The following CDKAL1 variants were observed in gnomAD, a reference collection of about 807,000 sequenced individuals.
CDKAL1 encodes threonylcarbamoyladenosine tRNA methylthiotransferase.
In CDKAL1, 32 loss-of-function variants were observed where a neutral mutation model predicts 68.2. That is an observed-to-expected ratio of 0.47 (90% CI 0.35 to 0.63). The LOEUF is 0.63. Among genes scored for constraint, CDKAL1 ranks in the 30% least tolerant of loss-of-function variants. The pLI is 0.00. For missense variants in CDKAL1, 606 were observed against 696.7 expected, an observed-to-expected ratio of 0.87 and a Z score of 1.47; for synonymous variants, 234 against 244.3, an observed-to-expected ratio of 0.96 and a Z score of 0.39.
chr6:20,565,064 C>T (rs1435624596), intron 4 of CDKAL1, among the ~76,000 whole-genome samples: 1 of 151,958 alleles, frequency 6.6e-6, no homozygotes, highest in East Asian at 1.9e-4. Flanking sequence ...ATTTATACAG[C>T]CTATTACATC....
At chr6:20,617,462 C>T (rs1387277798) in intron 4 of CDKAL1, among the ~76,000 whole-genome samples, 4 of 152,130 alleles carry the variant, frequency 2.6e-5, no homozygotes, top group East Asian at 3.8e-4. Flanking sequence ...TACATGTGCA[C>T]AACGTGCAGG....
chr6:20,719,771 T>C (rs1406310592), intron 5 of CDKAL1, among the ~76,000 whole-genome samples: 2 of 152,180 alleles, frequency 1.3e-5, no homozygotes, highest in Non-Finnish European at 2.9e-5. Context: ...TGGAAAACCC[T>C]TTTATGTTCC....
rs1460333820 is a variant in CDKAL1 at position 20,917,164 on chromosome 6, A to T, written c.743-38255A>T. The stretch of plus-strand genomic sequence containing the variant: ...CCCAGCTGATTTTTGTATTTGTAGT[A>T]GAGATGTGGTTTCACCATGTTGGCC... On this transcript the variant is annotated intron_variant, in intron 9 of 15. Transcript: ENST00000274695. Among the ~76,000 whole-genome samples the T allele has an allele frequency of 2.6e-5, 4 of 152,162 alleles. No homozygotes were observed. The East Asian group carries it at 7.7e-4, about 29-fold the overall frequency.
chr6:20,707,827 C>T (rs1771670827), intron 5 of CDKAL1, among the ~76,000 whole-genome samples: 2 of 152,164 alleles, frequency 1.3e-5, no homozygotes. Flanking sequence ...TTAAAGAAAT[C>T]TTAAAGCTTC....
intron 11 of CDKAL1, among the ~76,000 whole-genome samples, chr6:21,014,151 A>G (rs1363454343): frequency 6.6e-6 from 1 of 152,186 alleles, no homozygotes; most frequent in Non-Finnish European, 1.5e-5. Flanking sequence ...CTTATATCTC[A>G]CTGATTAGAA....
chr6:20,640,081 G>T (rs1215291300), intron 4 of CDKAL1, among the ~76,000 whole-genome samples: 1 of 152,186 alleles, frequency 6.6e-6, no homozygotes, highest in Admixed American at 6.5e-5. Context: ...AATGATTTGT[G>T]TTACGTAAAT....
At chr6:20,807,615 A>G (rs910418763) in intron 8 of CDKAL1, among the ~76,000 whole-genome samples, 1 of 152,176 alleles carries the variant, frequency 6.6e-6, no homozygotes, top group Non-Finnish European at 1.5e-5. Context: ...CTTTGATAAT[A>G]TTTCCTAATA....
chr6:20,755,864 G>A (rs898958574), intron 6 of CDKAL1, among the ~76,000 whole-genome samples: 1 of 152,134 alleles, frequency 6.6e-6, no homozygotes, highest in Admixed American at 6.5e-5. Flanking sequence ...GTCTCTTGTT[G>A]TCTGTAATAG....
intron 5 of CDKAL1, among the ~76,000 whole-genome samples, chr6:20,669,716 C>T (rs555267563): frequency 2.6e-5 from 4 of 152,032 alleles, no homozygotes; most frequent in Non-Finnish European, 5.9e-5. Flanking sequence ...CCTTATTTCC[C>T]GGCACCATAA....
chr6:21,030,754 A>G (rs1430047263), intron 11 of CDKAL1, among the ~76,000 whole-genome samples: 2 of 152,164 alleles, frequency 1.3e-5, no homozygotes, highest in Non-Finnish European at 2.9e-5. Flanking sequence ...GAATGCATGC[A>G]TATGAGGAGG....
chr6:21,196,233 T>TTACAC (rs1778466875), intron 13 of CDKAL1, among the ~76,000 whole-genome samples: 1 of 152,190 alleles, frequency 6.6e-6, no homozygotes, highest in African/African-American at 2.4e-5. Flanking sequence ...TAATTGCAGA[T>TTACAC]TTCCTTAAGA....
chr6:21,223,625 C>T (rs1779617326), intron 15 of CDKAL1, among the ~76,000 whole-genome samples: 1 of 152,118 alleles, frequency 6.6e-6, no homozygotes, highest in African/African-American at 2.4e-5. Context: ...CCCATCCAGC[C>T]CCCAAGAAGA....
intron 13 of CDKAL1, among the ~76,000 whole-genome samples, chr6:21,171,447 C>T (rs1390071985): frequency 3.3e-5 from 5 of 152,006 alleles, no homozygotes; most frequent in Non-Finnish European, 5.9e-5. Context: ...CTCCTGACCT[C>T]GTGATCCGCC....
At chr6:20,847,497 T>G (rs1192490198) in intron 9 of CDKAL1, among the ~76,000 whole-genome samples, 1 of 152,200 alleles carries the variant, frequency 6.6e-6, no homozygotes, top group Admixed American at 6.5e-5. Context: ...TTAGAAGGCA[T>G]GAAATTAGTA....
At chr6:20,941,437 T>G (rs1561902270) in intron 9 of CDKAL1, among the ~76,000 whole-genome samples, 1 of 152,232 alleles carries the variant, frequency 6.6e-6, no homozygotes, top group Non-Finnish European at 1.5e-5. Context: ...TGCTGCTTAT[T>G]GTATCACTTT....
At chr6:21,161,835 T>C (rs1349581343) in intron 13 of CDKAL1, among the ~76,000 whole-genome samples, 1 of 152,320 alleles carries the variant, frequency 6.6e-6, no homozygotes, top group East Asian at 1.9e-4. Flanking sequence ...ATTTTAAATC[T>C]CAAAGGGCTC....
chr6:21,204,083 G>C (rs1778803068), intron 15 of CDKAL1, among the ~76,000 whole-genome samples: 1 of 152,182 alleles, frequency 6.6e-6, no homozygotes, highest in South Asian at 2.1e-4. Flanking sequence ...AAAAACTGTA[G>C]ATAGACAGGA....
intron 9 of CDKAL1, among the ~76,000 whole-genome samples, chr6:20,859,041 GA>G (rs1244746166): frequency 6.6e-6 from 1 of 151,530 alleles, no homozygotes; most frequent in Non-Finnish European, 1.5e-5. Flanking sequence ...TTTAGTATAG[GA>G]AATTAAATCA....
intron 9 of CDKAL1, among the ~76,000 whole-genome samples, chr6:20,955,121 G>C (rs982855560): frequency 2.0e-5 from 3 of 152,150 alleles, no homozygotes; most frequent in African/African-American, 4.8e-5. Flanking sequence ...TGGGACTGAG[G>C]CTTTAGTCTT....
Sources: allele counts gnomAD v4.1 joint callset (sites outside exome capture counted in the v4.1 genomes callset), GRCh38; gene constraint gnomAD v4.1.1; transcripts MANE v1.5; gene names NCBI Gene and HGNC (gene_info 2026-07-23, HGNC 2026-07-21).